NVL: variants seen among roughly 807,000 people sequenced by gnomAD.
NVL encodes the protein nuclear VCP like.
Under a neutral mutation model 110.2 loss-of-function variants are expected in NVL, and 84 were observed. The observed-to-expected ratio is 0.76, with a 90% CI of 0.64 to 0.91. The LOEUF (loss-of-function observed/expected upper bound fraction) is 0.91. Among genes scored for constraint, NVL ranks in the 40% least tolerant of loss-of-function variants. NVL has a pLI of 0.00. For synonymous variants in NVL, 354 were observed against 361.1 expected (o/e 0.98, Z 0.22); for missense variants, 882 against 1,035.9 (o/e 0.85, Z 2.04).
chr1:224,316,811 T>C (rs1190375365), intron 4 of NVL, among the ~76,000 whole-genome samples: 3 of 152,022 alleles, frequency 2.0e-5, no homozygotes, highest in African/African-American at 4.8e-5. Context: ...AGTATATCTA[T>C]ATGTCAAAAC....
chr1:224,293,965 G>C (rs1482029970), intron 12 of NVL, among the ~76,000 whole-genome samples: 1 of 152,108 alleles, frequency 6.6e-6, no homozygotes, highest in South Asian at 2.1e-4. Context: ...ACAGGTGTGT[G>C]CACAGCTGAT....
intron 15 of NVL, among the ~76,000 whole-genome samples, chr1:224,282,070 ATTT>A (rs571698440): frequency 7.0e-6 from 1 of 142,182 alleles, no homozygotes. Flanking sequence ...TTTCACTTTA[ATTT>A]TTTTTTTTTT....
At chr1:224,274,079 C>T (rs1321707947) in intron 17 of NVL, among the ~76,000 whole-genome samples, 1 of 99,344 alleles carries the variant, frequency 1.0e-5, no homozygotes, top group Admixed American at 1.1e-4. Context: ...AAATAAATCA[C>T]AAAAGATTTC....
At chr1:224,312,954 C>G (rs1248071791) in intron 4 of NVL, 2 of 143,002 alleles carry the variant, frequency 1.4e-5, no homozygotes, top group Non-Finnish European at 2.9e-5. Context: ...TATTAAGATA[C>G]AAATTCTAGC....
intron 19 of NVL, among the ~76,000 whole-genome samples, chr1:224,241,899 G>A (rs1661242322): frequency 6.6e-6 from 1 of 151,758 alleles, no homozygotes; most frequent in African/African-American, 2.4e-5. Flanking sequence ...AGGTGTGGTG[G>A]CAGGCACCTG....
At chr1:224,270,257 T>C (rs1664951319) in intron 17 of NVL, among the ~76,000 whole-genome samples, 1 of 152,148 alleles carries the variant, frequency 6.6e-6, no homozygotes, top group South Asian at 2.1e-4. Flanking sequence ...TTTTGCTGCA[T>C]TAAAGCCATA....
rs1222470679 is a variant in NVL, at chr1:224,268,024, T to C, written c.2182+10A>G. 1 of 1,593,472 alleles carries C rather than the reference T, an allele frequency of 6.3e-7. No homozygotes were observed. The highest frequency in any genetic ancestry group is 1.3e-5 in the African/African-American group (1 of 74,446). ...AGATTCATCTGTGTTACAATATTTTTATTTCTTACCTGGCCTGTTAGTGGC... is the reference window on the plus strand; with the variant it reads ...AGATTCATCTGTGTTACAATATTTTCATTTCTTACCTGGCCTGTTAGTGGC... On this transcript the variant is annotated intron_variant, in intron 18 of 22. Transcript: ENST00000281701.
At chr1:224,301,080 T>C (rs1013708882) in intron 9 of NVL, among the ~76,000 whole-genome samples, 1 of 149,688 alleles carries the variant, frequency 6.7e-6, no homozygotes, top group Non-Finnish European at 1.5e-5. Context: ...CACTCCAGCC[T>C]GGGCAACAAG....
intron 16 of NVL, among the ~76,000 whole-genome samples, chr1:224,277,686 C>T (rs1245165006): frequency 1.3e-5 from 2 of 152,150 alleles, no homozygotes; most frequent in East Asian, 3.8e-4. Flanking sequence ...CATTTATTAT[C>T]TCAAAATCTT....
chr1:224,292,048 G>A (rs1571970164), intron 12 of NVL, among the ~76,000 whole-genome samples: 1 of 152,170 alleles, frequency 6.6e-6, no homozygotes, highest in South Asian at 2.1e-4. Context: ...GAGTATTGCT[G>A]TAAGACACTA....
At chr1:224,264,658 A>G (rs2102810260) in intron 18 of NVL, among the ~76,000 whole-genome samples, 1 of 152,354 alleles carries the variant, frequency 6.6e-6, no homozygotes, top group Non-Finnish European at 1.5e-5. Context: ...ATAAGCAATC[A>G]AAACAATGTC....
At chr1:224,240,666 G>A (rs1002080949) in intron 19 of NVL, among the ~76,000 whole-genome samples, 22 of 151,666 alleles carry the variant, frequency 1.5e-4, no homozygotes, top group Admixed American at 1.4e-3. Flanking sequence ...TTCACAAAAC[G>A]AATTCACTGT....
rs1182852262 is a variant in NVL, at chr1:224,231,213, T to G, written c.2526+13A>C. On this transcript the variant is annotated intron_variant, in intron 22 of 22. Transcript: ENST00000281701. ...TAGTTTCCTTTCTCTATGCATTTAA[T>G]GGCATTGCTTACCTTTTTTGATATA... is the stretch of plus-strand genomic sequence containing the variant. The G allele has an allele frequency of 6.3e-7, 1 of 1,583,254 alleles. No homozygotes were observed. The highest frequency in any genetic ancestry group is 1.3e-5 in the African/African-American group (1 of 74,328).
In NVL at chr1:224,305,154, A is replaced by C. The variant is rs1668793631; in HGVS notation, c.628T>G (p.Ser210Ala). Residue 210 changes from serine to alanine, a missense_variant, in exon 7 of 23, where the codon TCT (serine) becomes GCT (alanine). Coordinates refer to ENST00000281701, the MANE Select transcript of NVL (RefSeq NM_002533.4). ...PITEIQDSKD[S>A]SLLESDMKRK... ...TTCATATCACTCTCCAAAAGAGAAG[A>C]ATCTTTTGAATCCTGGAAAGAAAAT... 6.2e-7 allele frequency: 1 copy of C among 1,604,860 alleles called. No individual in the cohort carries two copies. Among genetic ancestry groups the C allele is most frequent in the African/African-American group, 1.3e-5 (1 of 74,430 alleles).
intron 17 of NVL, among the ~76,000 whole-genome samples, chr1:224,268,977 C>T (rs539977794): frequency 6.6e-6 from 1 of 151,470 alleles, no homozygotes; most frequent in South Asian, 2.1e-4. Context: ...AGCTTTTGAA[C>T]CCCAAATTTC....
Position 224,233,184 on chromosome 1 carries a change from T to A in NVL, c.2455+17A>T. 1 of 1,600,546 alleles carries A rather than the reference T, an allele frequency of 6.2e-7. No individual in the cohort carries two copies. Among genetic ancestry groups the A allele is most frequent in the Non-Finnish European group, 8.5e-7 (1 of 1,172,090 alleles). Reference sequence around the variant, plus strand: ...AGTATCATAATTAGAATTGAGAGATTCTGGAGAGAATTGTACCTTTTTCAT... The same window carrying A: ...AGTATCATAATTAGAATTGAGAGATACTGGAGAGAATTGTACCTTTTTCAT... On this transcript the variant is annotated intron_variant, in intron 21 of 22. Transcript: ENST00000281701.
At chr1:224,315,920 C>G (rs1670014270) in intron 4 of NVL, among the ~76,000 whole-genome samples, 1 of 152,176 alleles carries the variant, frequency 6.6e-6, no homozygotes, top group African/African-American at 2.4e-5. Context: ...ATAGGTCAGG[C>G]AAGGTGGTTC....
rs1453963907 is a variant in NVL at position 224,290,423 on chromosome 1, GAGGC to G, written c.1326-694_1326-691del. On this transcript the variant is annotated intron_variant, in intron 12 of 22. Transcript: ENST00000281701. ...TGCAATCCCAGCACTCTGGGAGGCTGAGGCAGGCAAATCACCTGAGGTCAAGAGT... is the reference window on the plus strand; with the variant it reads ...TGCAATCCCAGCACTCTGGGAGGCTGAGGCAAATCACCTGAGGTCAAGAGT... 9.2e-5 allele frequency among the ~76,000 whole-genome samples: 14 copies of G among 152,348 alleles called. No individual in the cohort carries two copies. In the East Asian group the frequency reaches 2.7e-3, roughly 29 times the overall value.
chr1:224,257,342 A>G (rs1279369984), intron 18 of NVL, among the ~76,000 whole-genome samples: 1 of 152,184 alleles, frequency 6.6e-6, no homozygotes, highest in Non-Finnish European at 1.5e-5. Flanking sequence ...ACATTAATTA[A>G]AAAAGAAAAA....
Sources: allele counts gnomAD v4.1 joint callset (sites outside exome capture counted in the v4.1 genomes callset), GRCh38; gene constraint gnomAD v4.1.1; transcripts MANE v1.5; gene names NCBI Gene and HGNC (gene_info 2026-07-23, HGNC 2026-07-21).